Variants in NAA30 observed in about 807,000 individuals in gnomAD.
NAA30 encodes the protein N-alpha-acetyltransferase 30.
NAA30 carries 5 observed loss-of-function variants against 31.4 expected under a neutral mutation model. That is an observed-to-expected ratio of 0.16 (90% CI 0.08 to 0.33). The LOEUF is 0.33. Among genes scored for constraint, NAA30 ranks in the 10% least tolerant of loss-of-function variants. The pLI, the probability that NAA30 is intolerant of heterozygous loss-of-function variation, is 1.00. For missense variants in NAA30, 428 were observed against 490.8 expected (o/e 0.87, Z 1.21); for synonymous variants, 222 against 207.1 (o/e 1.07, Z -0.62).
intron 4 of NAA30, among the ~76,000 whole-genome samples, chr14:57,404,144 A>AC (rs1273579036): frequency 1.3e-5 from 2 of 152,098 alleles, no homozygotes; most frequent in Non-Finnish European, 2.9e-5. Flanking sequence ...ATATGGTGAA[A>AC]CCCCGTCTCT....
At position 57,405,368 on chromosome 14, in the gene NAA30, TA is replaced by T. The variant is rs1308768325; in HGVS notation, c.952-4009del. Among the ~76,000 whole-genome samples, 4 of 151,576 alleles carry T rather than the reference TA, an allele frequency of 2.6e-5. No individual in the cohort carries two copies. The East Asian group carries it at 7.7e-4, about 29-fold the overall frequency. Reference sequence around the variant, plus strand: ...TATAAAAGGTTACTTTTTATCTTTTTAATTAGACTATATTTATTGTGTTTAT... The same window carrying T: ...TATAAAAGGTTACTTTTTATCTTTTTATTAGACTATATTTATTGTGTTTAT... On this transcript the variant is annotated intron_variant, in intron 4 of 4. Transcript: ENST00000556492.
chr14:57,400,918 G>A (rs921614079), intron 4 of NAA30, among the ~76,000 whole-genome samples: 10 of 149,404 alleles, frequency 6.7e-5, no homozygotes, highest in Non-Finnish European at 1.5e-4. Flanking sequence ...TTTTTGTAGA[G>A]ATGGGAGTCT....
chr14:57,394,126 A>T (rs1470873850), intron 2 of NAA30, among the ~76,000 whole-genome samples: 1 of 151,794 alleles, frequency 6.6e-6, no homozygotes, highest in Non-Finnish European at 1.5e-5. Context: ...AAAAAAAAAA[A>T]AAGGACAAAT....
intron 3 of NAA30, among the ~76,000 whole-genome samples, chr14:57,397,477 A>G (rs2066456062): frequency 6.6e-6 from 1 of 152,182 alleles, no homozygotes; most frequent in Non-Finnish European, 1.5e-5. Flanking sequence ...GTTTAAAAAC[A>G]TGTATTTGGG....
Position 57,411,330 on chromosome 14 carries a change from T to C in NAA30, c.*1814T>C, listed in dbSNP as rs1566552347. ...ACTCAGCCTTTCAATATGTTTTTGG[T>C]CAAACTTCATTTAGGCACTAGCATT... On this transcript the variant is annotated 3_prime_UTR_variant, in exon 5 of 5. Transcript: ENST00000556492. 1 of 152,128 alleles carries C rather than the reference T, an allele frequency of 6.6e-6. No homozygotes were observed. The highest frequency in any genetic ancestry group is 1.5e-5 in the Non-Finnish European group (1 of 67,988). 9.4% of individuals were successfully genotyped at this position (152,128 alleles called of 1,614,324 possible).
At chr14:57,400,229 T>C (rs1329975194) in intron 4 of NAA30, among the ~76,000 whole-genome samples, 4 of 152,228 alleles carry the variant, frequency 2.6e-5, no homozygotes, top group African/African-American at 9.6e-5. Flanking sequence ...AATGGGAAAC[T>C]GTCAGTCTAT....
chr14:57,397,618 C>A (rs1338518157), intron 3 of NAA30, among the ~76,000 whole-genome samples: 1 of 152,130 alleles, frequency 6.6e-6, no homozygotes, highest in African/African-American at 2.4e-5. Flanking sequence ...ATTTAAATAA[C>A]GCCATAAAAC....
intron 2 of NAA30, among the ~76,000 whole-genome samples, chr14:57,396,200 C>T (rs2066449796): frequency 1.3e-5 from 2 of 152,108 alleles, no homozygotes; most frequent in South Asian, 2.1e-4. Flanking sequence ...ATCTCAAACC[C>T]CTGAGCTCAA....
intron 4 of NAA30, among the ~76,000 whole-genome samples, chr14:57,403,347 A>G (rs2066485283): frequency 6.6e-6 from 1 of 151,676 alleles, no homozygotes; most frequent in South Asian, 2.1e-4. Flanking sequence ...AGTCATGTTT[A>G]TATTGTTCTT....
chr14:57,408,242 C>A (rs2066508310), intron 4 of NAA30, among the ~76,000 whole-genome samples: 1 of 152,154 alleles, frequency 6.6e-6, no homozygotes, highest in Admixed American at 6.5e-5. Flanking sequence ...AGGGTTATGA[C>A]ACCCAATAGT....
intron 2 of NAA30, among the ~76,000 whole-genome samples, chr14:57,395,639 A>G (rs997381541): frequency 6.6e-6 from 1 of 152,210 alleles, no homozygotes; most frequent in Non-Finnish European, 1.5e-5. Context: ...TTAGAATTTA[A>G]CATGTAGCTT....
Position 57,409,577 on chromosome 14 carries a change from T to A in NAA30, c.*61T>A, listed in dbSNP as rs2066514752. On this transcript the variant is annotated 3_prime_UTR_variant, in exon 5 of 5. Coordinates refer to ENST00000556492, the MANE Select transcript of NAA30 (RefSeq NM_001011713.3). The stretch of plus-strand genomic sequence containing the variant: ...GAATCGACCTTTGCATGCAATGCAA[T>A]TTGTACAGAATTGCTTTGCAGGTGG... The A allele has an allele frequency of 2.0e-6, 3 of 1,498,410 alleles. No homozygotes were observed. Among genetic ancestry groups the A allele is most frequent in the African/African-American group, 1.4e-5 (1 of 70,340 alleles). The allele number at this position is 1,498,410 out of a possible 1,614,324, so 92.8% of individuals were successfully genotyped here. A position where few individuals can be genotyped will look rare whatever the true frequency, so the allele number is the denominator to read the frequency against.
In NAA30 at chr14:57,409,577, T is replaced by C. The variant is rs2066514752; in HGVS notation, c.*61T>C. 1.3e-6 allele frequency: 2 copies of C among 1,498,528 alleles called. No individual in the cohort carries two copies. The highest frequency in any genetic ancestry group is 8.9e-7 in the Non-Finnish European group (1 of 1,118,006). 92.8% of individuals were successfully genotyped at this position (1,498,528 alleles called of 1,614,324 possible). ...GAATCGACCTTTGCATGCAATGCAA[T>C]TTGTACAGAATTGCTTTGCAGGTGG... On this transcript the variant is annotated 3_prime_UTR_variant, in exon 5 of 5. Coordinates refer to ENST00000556492, the MANE Select transcript of NAA30 (RefSeq NM_001011713.3).
At chr14:57,399,734 A>G in intron 3 of NAA30, 94 bp from the exon 4 acceptor site, 1 of 761,786 alleles carries the variant, frequency 1.3e-6, no homozygotes, top group South Asian at 1.5e-5. Context: ...GATAGAAACT[A>G]GCATTTGACA....
intron 4 of NAA30, among the ~76,000 whole-genome samples, chr14:57,408,164 T>C (rs74560759): frequency 1.1e-3 from 175 of 152,336 alleles, no homozygotes; most frequent in African/African-American, 4.2e-3. Flanking sequence ...AGGAAGAGAC[T>C]TATGCTTCAC....
At chr14:57,398,392 A>G (rs1378928839) in intron 3 of NAA30, among the ~76,000 whole-genome samples, 8 of 152,182 alleles carry the variant, frequency 5.3e-5, no homozygotes, top group Admixed American at 5.2e-4. Context: ...CTTCAGACAT[A>G]CTTTGTTTGG....
intron 3 of NAA30, among the ~76,000 whole-genome samples, chr14:57,399,551 T>C (rs924552041): frequency 3.9e-5 from 6 of 152,188 alleles, no homozygotes; most frequent in Non-Finnish European, 8.8e-5. Flanking sequence ...TCAAACACAA[T>C]AGAACAAACT....
Position 57,410,865 on chromosome 14 carries a change from A to C in NAA30, c.*1349A>C, listed in dbSNP as rs2066519646. The C allele has an allele frequency of 6.6e-6, 1 of 152,490 alleles. No individual in the cohort carries two copies. Among genetic ancestry groups the C allele is most frequent in the Non-Finnish European group, 1.5e-5 (1 of 67,976 alleles). 9.4% of individuals were successfully genotyped at this position (152,490 alleles called of 1,614,324 possible). The stretch of plus-strand genomic sequence containing the variant: ...GATAGATAATTTATTTAACTGGAAA[A>C]CCTAGGTACCCATAAGAAAAAAGAT... On this transcript the variant is annotated 3_prime_UTR_variant, in exon 5 of 5. Coordinates refer to ENST00000556492, the MANE Select transcript of NAA30 (RefSeq NM_001011713.3).
chr14:57,393,258 T>C (rs2066437383), intron 2 of NAA30, among the ~76,000 whole-genome samples: 1 of 152,212 alleles, frequency 6.6e-6, no homozygotes, highest in Admixed American at 6.5e-5. Flanking sequence ...TATTTTAGAC[T>C]CTGGTCAACA....
Sources: gnomAD v4.1 joint callset for allele counts (sites outside exome capture counted in the v4.1 genomes callset) on GRCh38, gnomAD v4.1.1 for gene constraint, MANE v1.5 for transcripts, NCBI Gene and HGNC (gene_info 2026-07-23, HGNC 2026-07-21) for gene names.